Variants in SNRPN observed in about 807,000 individuals in gnomAD.
SNRPN encodes small nuclear ribonucleoprotein-associated protein N.
A neutral mutation model predicts 25.2 loss-of-function variants in SNRPN; 7 were observed. The observed-to-expected ratio is 0.28, with a 90% CI of 0.16 to 0.52. The LOEUF (loss-of-function observed/expected upper bound fraction) is 0.52, where lower values mean the gene tolerates loss of function less well. SNRPN is among the 20% of genes least tolerant of loss of function. The probability of loss-of-function intolerance (pLI) is 0.96; values close to 1 mark genes in which losing one functional copy is unlikely to be tolerated. For synonymous variants in SNRPN, 124 were observed against 110.6 expected (o/e 1.12, Z -0.76); for missense variants, 196 against 322.5 (o/e 0.61, Z 3.00).
chr15:24,906,211 C>T (rs2058793631), intron 2 of SNRPN, among the ~76,000 whole-genome samples: 2 of 152,124 alleles, frequency 1.3e-5, no homozygotes, highest in South Asian at 4.1e-4. Flanking sequence ...CTTCAACCTC[C>T]ACCTCCATGG....
At position 24,929,228 on chromosome 15, in the gene SNRPN, A is replaced by G. The variant is rs180859036; in HGVS notation, c.-391+9104A>G. Reference sequence around the variant, plus strand: ...ATTTATAGTGATATTTTCCATCCCAATCTACACCGCAGGGTTTTTCCTTGC... The same window carrying G: ...ATTTATAGTGATATTTTCCATCCCAGTCTACACCGCAGGGTTTTTCCTTGC... On this transcript the variant is annotated intron_variant, in intron 3 of 11. Coordinates refer to the SNRPN transcript ENST00000400097. This position sits in a 1 kb window ranked among gnomAD's most constrained non-coding sequence, Gnocchi z 5.3. 5.0e-3 allele frequency among the ~76,000 whole-genome samples: 756 copies of G among 151,972 alleles called. 6 individuals are homozygous for G. Among genetic ancestry groups the G allele is most frequent in the African/African-American group, 0.017 (724 of 41,422 alleles).
intron 2 of SNRPN, among the ~76,000 whole-genome samples, chr15:24,894,721 A>T (rs8024850): frequency 6.6e-6 from 1 of 152,082 alleles, no homozygotes; most frequent in Non-Finnish European, 1.5e-5. Flanking sequence ...TCTCTTGACC[A>T]GGAACTACTG....
upstream of SNRPN, chr15:24,954,911 G>A (rs528245047): frequency 3.6e-5 from 47 of 1,288,994 alleles, no homozygotes; most frequent in South Asian, 3.7e-4. Flanking sequence ...ACGCCTGCGC[G>A]GCCGCAGAGG....
intron 2 of SNRPN, among the ~76,000 whole-genome samples, chr15:24,887,240 C>T (rs1324982174): frequency 5.3e-5 from 8 of 150,754 alleles, no homozygotes; most frequent in African/African-American, 1.5e-4. Flanking sequence ...CTCTGCCTCT[C>T]GAGTTCAAGC....
In SNRPN at chr15:24,978,545, A is replaced by G. The variant is rs1764810948; in HGVS notation, c.*101A>G. Reference sequence around the variant, plus strand: ...TTTTGTTCCCTCATTCTGCATTAATAATAGCTAATAATAAATGCATAGAGC... The same window carrying G: ...TTTTGTTCCCTCATTCTGCATTAATGATAGCTAATAATAAATGCATAGAGC... On this transcript the variant is annotated 3_prime_UTR_variant, in exon 10 of 10. Coordinates refer to ENST00000390687, the MANE Select transcript of SNRPN (RefSeq NM_003097.6). The G allele has an allele frequency of 1.0e-6, 1 of 996,322 alleles. No individual in the cohort carries two copies. The highest frequency in any genetic ancestry group is 1.6e-6 in the Non-Finnish European group (1 of 625,414). 61.7% of individuals were successfully genotyped at this position (996,322 alleles called of 1,614,324 possible). A position where few individuals can be genotyped will look rare whatever the true frequency, so the allele number is the denominator to read the frequency against.
rs189705549 is a variant in SNRPN, at chr15:24,836,755, C to T, written c.-579+6850C>T. ...AAGTTTTATGTGACACAGGAGACTACGGAAATGAAAACTCAAACATCTAGG... is the reference window on the plus strand; with the variant it reads ...AAGTTTTATGTGACACAGGAGACTATGGAAATGAAAACTCAAACATCTAGG... On this transcript the variant is annotated intron_variant, in intron 2 of 12. Transcript: ENST00000400100. Among the ~76,000 whole-genome samples, 253 of 152,128 alleles carry T rather than the reference C, an allele frequency of 1.7e-3. 4 individuals carry two copies. The highest frequency in any genetic ancestry group is 5.7e-3 in the African/African-American group (238 of 41,454).
At chr15:24,864,798 G>T (rs1445309854) in intron 1 of SNRPN, among the ~76,000 whole-genome samples, 1 of 152,032 alleles carries the variant, frequency 6.6e-6, no homozygotes, top group African/African-American at 2.4e-5. Flanking sequence ...TGCATCATGT[G>T]TTATTTAAAA....
At chr15:24,895,448 A>G in intron 2 of SNRPN, among the ~76,000 whole-genome samples, 1 of 150,958 alleles carries the variant, frequency 6.6e-6, no homozygotes, top group East Asian at 1.9e-4. Flanking sequence ...CACGGACAAC[A>G]CATTCCCTAT....
At chr15:24,970,884 G>T (rs1021733223) in intron 3 of SNRPN, among the ~76,000 whole-genome samples, 1 of 151,998 alleles carries the variant, frequency 6.6e-6, no homozygotes, top group African/African-American at 2.4e-5. Flanking sequence ...GAATTATTGT[G>T]TATTAATATT....
chr15:24,937,592 TTTTTGA>T (rs1292470294), intron 3 of SNRPN, among the ~76,000 whole-genome samples: 7 of 152,358 alleles, frequency 4.6e-5, no homozygotes, highest in African/African-American at 1.7e-4. Flanking sequence ...TATTTGCTAC[TTTTTGA>T]TAATGCTTTG....
chr15:24,908,990 T>C (rs1444294248), intron 2 of SNRPN: 2 of 1,412,678 alleles, frequency 1.4e-6, no homozygotes, highest in Non-Finnish European at 2.0e-6. Flanking sequence ...AGCTACCCAA[T>C]CCTTCTTCTG....
chr15:24,939,791 T>C (rs909374443), intron 3 of SNRPN, among the ~76,000 whole-genome samples: 14 of 151,462 alleles, frequency 9.2e-5, no homozygotes, highest in African/African-American at 2.4e-4. Flanking sequence ...AATTCTTCTT[T>C]TTTTTTTTTT....
At position 24,831,505 on chromosome 15, in the gene SNRPN, TTTC is replaced by T. The variant is rs1218583459; in HGVS notation, c.-579+1604_-579+1606del. ...TGGCAAGAACACTTTACATCCACTC[TTTC>T]TTCATTTTTCATAATGCAATTTATT... is the stretch of plus-strand genomic sequence containing the variant. On this transcript the variant is annotated intron_variant, in intron 2 of 12. Coordinates refer to the SNRPN transcript ENST00000400100. Among the ~76,000 whole-genome samples, 3 of 152,122 alleles carry T rather than the reference TTTC, an allele frequency of 2.0e-5. No homozygotes were observed. The East Asian group carries it at 5.8e-4, about 29-fold the overall frequency.
intron 4 of SNRPN, chr15:24,974,820 A>T: frequency 1.5e-6 from 1 of 662,716 alleles, no homozygotes; most frequent in Non-Finnish European, 2.7e-6. Flanking sequence ...CGGCCTCCCA[A>T]AGTGCTGGGA....
intron 1 of SNRPN, among the ~76,000 whole-genome samples, chr15:24,862,055 G>C (rs551291696): frequency 1.3e-5 from 2 of 150,886 alleles, no homozygotes; most frequent in African/African-American, 5.0e-5. Context: ...TGCTGCAGGC[G>C]ATCCTGTAAG....
At chr15:24,892,825 A>G (rs2057783121) in intron 2 of SNRPN, among the ~76,000 whole-genome samples, 2 of 152,192 alleles carry the variant, frequency 1.3e-5, no homozygotes, top group Non-Finnish European at 1.5e-5. Flanking sequence ...CTTATAGCCA[A>G]CAGAGGTTCA....
At chr15:24,872,995 T>C (rs2148937366) in intron 1 of SNRPN, among the ~76,000 whole-genome samples, 1 of 122,210 alleles carries the variant, frequency 8.2e-6, no homozygotes, top group East Asian at 2.9e-4. Flanking sequence ...CATTGACCTA[T>C]ATCACTGTCC....
chr15:24,873,090 A>G (rs113804649), intron 1 of SNRPN, among the ~76,000 whole-genome samples: 6,622 of 119,288 alleles, frequency 0.056, 1,925 homozygotes, highest in Non-Finnish European at 0.079. Flanking sequence ...GCTTCTCATT[A>G]CCAGTGTGGT....
chr15:24,909,349 T>A, intron 2 of SNRPN: 2 of 1,602,334 alleles, frequency 1.2e-6, no homozygotes, highest in Non-Finnish European at 1.7e-6. Flanking sequence ...CACCAAAAAC[T>A]TTATTGCCAG....
Sources: allele counts gnomAD v4.1 joint callset (sites outside exome capture counted in the v4.1 genomes callset), GRCh38; gene constraint gnomAD v4.1.1; non-coding constraint Gnocchi (gnomAD v3.1); transcripts MANE v1.5; gene names NCBI Gene and HGNC (gene_info 2026-07-23, HGNC 2026-07-21).